Variants in PRKG1 observed in about 807,000 individuals in gnomAD.
PRKG1 encodes the protein cGMP-dependent protein kinase 1.
In PRKG1, 35 loss-of-function variants were observed where a neutral mutation model predicts 88.1. The ratio of observed to expected loss-of-function variants is 0.40; its 90% CI spans 0.30 to 0.53. The LOEUF (loss-of-function observed/expected upper bound fraction) is 0.53, where lower values mean the gene tolerates loss of function less well. PRKG1 is among the 20% of genes least tolerant of loss of function. The probability of loss-of-function intolerance (pLI) is 0.59; values close to 1 mark genes in which losing one functional copy is unlikely to be tolerated. For synonymous variants in PRKG1, 303 were observed against 292.5 expected, an observed-to-expected ratio of 1.04 and a Z score of -0.37; for missense variants, 540 against 839.8, an observed-to-expected ratio of 0.64 and a Z score of 4.41.
At chr10:51,882,213 T>C (rs1359744022) in intron 4 of PRKG1, among the ~76,000 whole-genome samples, 2 of 152,350 alleles carry the variant, frequency 1.3e-5, no homozygotes, top group South Asian at 4.1e-4. Context: ...TCTGCTATTA[T>C]TGTTAGAAGC....
intron 2 of PRKG1, among the ~76,000 whole-genome samples, chr10:51,170,980 C>T (rs1229122784): frequency 6.6e-6 from 1 of 152,112 alleles, no homozygotes; most frequent in African/African-American, 2.4e-5. Flanking sequence ...GCACACATAT[C>T]AGCTAGAAAG....
intron 3 of PRKG1, among the ~76,000 whole-genome samples, chr10:51,724,476 A>C (rs1016726362): frequency 1.3e-5 from 2 of 152,074 alleles, no homozygotes; most frequent in African/African-American, 2.4e-5. Context: ...TTTCTTATCA[A>C]CTCTGCCTAA....
At chr10:51,565,858 A>G (rs1837589628) in intron 3 of PRKG1, among the ~76,000 whole-genome samples, 2 of 152,054 alleles carry the variant, frequency 1.3e-5, no homozygotes, top group African/African-American at 4.8e-5. Flanking sequence ...ACTGACTCTA[A>G]CTCTTAGTAA....
intron 12 of PRKG1, among the ~76,000 whole-genome samples, chr10:52,277,271 A>G (rs1341504803): frequency 6.6e-6 from 1 of 152,176 alleles, no homozygotes; most frequent in Non-Finnish European, 1.5e-5. Flanking sequence ...AGGATTCTTC[A>G]GAGTTGATTT....
chr10:51,042,828 A>G (rs1329040560), intron 1 of PRKG1, among the ~76,000 whole-genome samples: 1 of 152,134 alleles, frequency 6.6e-6, no homozygotes, highest in Non-Finnish European at 1.5e-5. Context: ...GTCATGAGGA[A>G]GGAGCCCTCA....
chr10:51,900,398 A>T (rs1393100289), intron 4 of PRKG1, among the ~76,000 whole-genome samples: 1 of 152,092 alleles, frequency 6.6e-6, no homozygotes, highest in Non-Finnish European at 1.5e-5. Flanking sequence ...AACTTTTCAT[A>T]CTCTATTATA....
rs1317056855 is a variant in PRKG1, at chr10:51,488,679, T to G, written c.592+20843T>G. Among the ~76,000 whole-genome samples, 5 of 152,294 alleles carry G rather than the reference T, an allele frequency of 3.3e-5. No individual in the cohort carries two copies. The East Asian group carries it at 9.6e-4, about 29-fold the overall frequency. ...AATACTAAGTAGAATGTGAACGCTA[T>G]GTGGCATTAAAAATTTAAACACACA... On this transcript the variant is annotated intron_variant, in intron 3 of 17. Transcript: ENST00000373980.
At chr10:51,813,927 A>C (rs1014550358) in intron 4 of PRKG1, among the ~76,000 whole-genome samples, 10 of 152,162 alleles carry the variant, frequency 6.6e-5, no homozygotes, top group African/African-American at 2.4e-4. Context: ...ACTTTAAACA[A>C]GTGACAATGT....
chr10:51,946,347 A>G (rs1248929035), intron 5 of PRKG1, among the ~76,000 whole-genome samples: 1 of 151,920 alleles, frequency 6.6e-6, no homozygotes, highest in Non-Finnish European at 1.5e-5. Context: ...TGTTTATTCT[A>G]GTTATACATT....
intron 4 of PRKG1, among the ~76,000 whole-genome samples, chr10:51,866,895 A>G (rs988030279): frequency 1.3e-5 from 2 of 152,068 alleles, no homozygotes; most frequent in African/African-American, 4.8e-5. Context: ...TCCTTAAGGA[A>G]CTCTCTATCC....
chr10:51,083,764 T>G (rs568122335), intron 1 of PRKG1, among the ~76,000 whole-genome samples: 1 of 152,074 alleles, frequency 6.6e-6, no homozygotes, highest in Non-Finnish European at 1.5e-5. Flanking sequence ...AAATGAGAAT[T>G]CCTAAACCCT....
intron 4 of PRKG1, among the ~76,000 whole-genome samples, chr10:51,846,657 T>C (rs1840406459): frequency 1.3e-5 from 2 of 152,210 alleles, no homozygotes; most frequent in South Asian, 4.1e-4. Flanking sequence ...TCTGAATACC[T>C]ATGAATGTTA....
chr10:52,112,919 T>G (rs1847597933), intron 7 of PRKG1, among the ~76,000 whole-genome samples: 1 of 152,182 alleles, frequency 6.6e-6, no homozygotes, highest in Admixed American at 6.5e-5. Flanking sequence ...TAAAATATGA[T>G]AATTTATGCT....
At chr10:51,713,927 T>G (rs1399835155) in intron 3 of PRKG1, among the ~76,000 whole-genome samples, 1 of 152,212 alleles carries the variant, frequency 6.6e-6, no homozygotes, top group Admixed American at 6.5e-5. Context: ...AAGAGCTATT[T>G]TAATTCAGTA....
chr10:51,745,036 T>G (rs976113948), intron 3 of PRKG1, among the ~76,000 whole-genome samples: 6 of 152,222 alleles, frequency 3.9e-5, no homozygotes, highest in African/African-American at 7.2e-5. Context: ...AACATAGATC[T>G]TCATACAATA....
chr10:51,360,989 G>T (rs1321611295), intron 2 of PRKG1, among the ~76,000 whole-genome samples: 1 of 152,012 alleles, frequency 6.6e-6, no homozygotes, highest in East Asian at 1.9e-4. Context: ...TTGAGTAAAT[G>T]AAGTTAAGGA....
chr10:52,071,066 CTAAG>C (rs1846483944), intron 7 of PRKG1, among the ~76,000 whole-genome samples: 1 of 152,154 alleles, frequency 6.6e-6, no homozygotes, highest in African/African-American at 2.4e-5. Flanking sequence ...CTGGCATATA[CTAAG>C]TGTTTGATAA....
At chr10:51,585,423 G>T (rs1398451449) in intron 3 of PRKG1, among the ~76,000 whole-genome samples, 3 of 151,980 alleles carry the variant, frequency 2.0e-5, no homozygotes, top group Non-Finnish European at 4.4e-5. Flanking sequence ...TAACAACTTG[G>T]TGCATTATTT....
intron 9 of PRKG1, among the ~76,000 whole-genome samples, chr10:52,188,242 ATATATATGTGTATATATATACATATG>A (rs201652950): frequency 3.5e-5 from 3 of 86,772 alleles, no homozygotes; most frequent in Non-Finnish European, 6.3e-5. Flanking sequence ...ATATATATAC[ATATATATGTGTATATATATACATATG>A]TATATATATA....
Sources: allele counts gnomAD v4.1 joint callset (sites outside exome capture counted in the v4.1 genomes callset), GRCh38; gene constraint gnomAD v4.1.1; transcripts MANE v1.5; gene names NCBI Gene and HGNC (gene_info 2026-07-23, HGNC 2026-07-21).